The following DNAH6 variants were observed in gnomAD, a reference collection of about 807,000 sequenced individuals.
DNAH6 encodes the protein axonemal beta dynein heavy chain 6.
In DNAH6, 340 loss-of-function variants were observed where a neutral mutation model predicts 491.4. The ratio of observed to expected loss-of-function variants is 0.69; its 90% CI spans 0.63 to 0.76. The LOEUF is 0.76. Ranked by LOEUF, DNAH6 falls within the 30% of genes least tolerant of loss-of-function variation. The probability of loss-of-function intolerance (pLI) is 0.00; values close to 1 mark genes in which losing one functional copy is unlikely to be tolerated. For synonymous variants in DNAH6, 1,603 were observed against 1,686.1 expected (o/e 0.95, Z 1.21); for missense variants, 4,443 against 4,972.2 (o/e 0.89, Z 3.20).
At chr2:84,719,685 CT>C (rs967903424) in intron 59 of DNAH6, among the ~76,000 whole-genome samples, 99 of 145,342 alleles carry the variant, frequency 6.8e-4, no homozygotes, top group South Asian at 6.5e-4. Flanking sequence ...TAATTTTTCA[CT>C]TTTTTTTTTT....
At chr2:84,665,498 A>G (rs1391136412) in intron 37 of DNAH6, among the ~76,000 whole-genome samples, 2 of 152,248 alleles carry the variant, frequency 1.3e-5, no homozygotes, top group Non-Finnish European at 2.9e-5. Context: ...TAGAAGATCT[A>G]GAAGAAATGG....
chr2:84,567,424 C>T (rs1346616748), intron 11 of DNAH6, among the ~76,000 whole-genome samples: 2 of 152,148 alleles, frequency 1.3e-5, no homozygotes, highest in African/African-American at 4.8e-5. Context: ...CTACCGTAAC[C>T]AAAACAGCAT....
chr2:84,729,601 A>G lies in DNAH6; in HGVS notation c.10206+1699A>G, dbSNP rs369361158. Among the ~76,000 whole-genome samples, 92 of 152,318 alleles carry G rather than the reference A, an allele frequency of 6.0e-4. 1 individual carries two copies. Among genetic ancestry groups the G allele is most frequent in the African/African-American group, 2.1e-3 (89 of 41,564 alleles). On this transcript the variant is annotated intron_variant, in intron 61 of 76. Coordinates refer to ENST00000389394, the MANE Select transcript of DNAH6 (RefSeq NM_001370.2). ...TCCCAAAGCCCATGTCCATTCCAGC[A>G]CCACCTACTTCTCATGAACAGCATA...
At chr2:84,593,823 C>A (rs1363265061) in intron 16 of DNAH6, 149 bp from the exon 17 acceptor site, 13 of 271,780 alleles carry the variant, frequency 4.8e-5, no homozygotes, top group Admixed American at 5.5e-5. Context: ...TTTTTTTCTT[C>A]ATCTGTTTCT....
chr2:84,535,633 A>G (rs1171957055), intron 4 of DNAH6, among the ~76,000 whole-genome samples: 3 of 151,192 alleles, frequency 2.0e-5, no homozygotes, highest in Non-Finnish European at 4.4e-5. Context: ...TAGAATTGTG[A>G]TTTTACCAGC....
the DNAH6 span, among the ~76,000 whole-genome samples, chr2:84,502,507 A>G: frequency 6.6e-6 from 1 of 152,166 alleles, no homozygotes; most frequent in Non-Finnish European, 1.5e-5. Flanking sequence ...ATTGGATGAA[A>G]TGTTCTGTAT....
At chr2:84,506,191 C>T in the DNAH6 span, among the ~76,000 whole-genome samples, 2 of 151,990 alleles carry the variant, frequency 1.3e-5, no homozygotes, top group Admixed American at 6.6e-5. Context: ...TAAAAGTGTT[C>T]AAGTGTTCCT....
At chr2:84,685,285 G>A (rs1357994331) in intron 42 of DNAH6, 41 bp from the exon 43 acceptor site, 37 of 1,359,756 alleles carry the variant, frequency 2.7e-5, no homozygotes, top group Non-Finnish European at 3.6e-5. Context: ...TTCTACAAAT[G>A]TAGAATTTTT....
chr2:84,711,895 C>T (rs1697079255), intron 56 of DNAH6, among the ~76,000 whole-genome samples: 1 of 152,236 alleles, frequency 6.6e-6, no homozygotes, highest in Non-Finnish European at 1.5e-5. Flanking sequence ...CTCAGGTTTA[C>T]TTTATGACAC....
Position 84,715,633 on chromosome 2 carries a change from A to G in DNAH6, c.9611+6A>G, listed in dbSNP as rs1697451376. The G allele has an allele frequency of 4.5e-6, 7 of 1,551,240 alleles. No individual in the cohort carries two copies. The highest frequency in any genetic ancestry group is 3.9e-5 in the Admixed American group (2 of 50,958). On this transcript the variant is annotated splice_donor_region_variant and intron_variant, in intron 58 of 76. Transcript: ENST00000389394. ...CTGGAGGATCAGTTGTTAAGGTAAA[A>G]AAACAGGGAGTTGAGGGGAGGGAAG...
intron 43 of DNAH6, among the ~76,000 whole-genome samples, chr2:84,686,086 G>T (rs529626577): frequency 4.6e-5 from 7 of 151,992 alleles, no homozygotes; most frequent in African/African-American, 1.7e-4. Context: ...TACTCAGGAG[G>T]CTGAGGCAAG....
At chr2:84,641,747 T>C (rs888618859) in intron 32 of DNAH6, among the ~76,000 whole-genome samples, 200 bp from the exon 33 acceptor site, 2 of 152,190 alleles carry the variant, frequency 1.3e-5, no homozygotes, top group East Asian at 3.9e-4. Context: ...GTCCTTGTCA[T>C]TCTCTCCAAG....
chr2:84,720,268 T>C (rs990128541), intron 59 of DNAH6, among the ~76,000 whole-genome samples: 2 of 7,754 alleles, frequency 2.6e-4, no homozygotes, highest in Non-Finnish European at 6.5e-4. Flanking sequence ...AGAGTGCTTC[T>C]TTTTTTTTTT....
chr2:84,767,515 G>T (rs1190239125), intron 64 of DNAH6, among the ~76,000 whole-genome samples: 1 of 151,570 alleles, frequency 6.6e-6, no homozygotes, highest in African/African-American at 2.4e-5. Context: ...AACAAAGTGA[G>T]ATCCTGTGTC....
chr2:84,649,190 A>G (rs761990389), intron 33 of DNAH6, among the ~76,000 whole-genome samples: 13 of 152,204 alleles, frequency 8.5e-5, no homozygotes, highest in Non-Finnish European at 1.8e-4. Flanking sequence ...TTAATTTTAT[A>G]TGCACTGAGA....
chr2:84,700,877 A>C (rs774293419), intron 48 of DNAH6, among the ~76,000 whole-genome samples: 1 of 152,194 alleles, frequency 6.6e-6, no homozygotes, highest in African/African-American at 2.4e-5. Flanking sequence ...CGTGTGCATG[A>C]TACTGTGGAG....
intron 63 of DNAH6, among the ~76,000 whole-genome samples, chr2:84,746,600 TC>T (rs1672998801): frequency 6.6e-6 from 1 of 152,182 alleles, no homozygotes; most frequent in Non-Finnish European, 1.5e-5. Context: ...TGGAGATTGT[TC>T]CTTTGGGAAA....
At chr2:84,536,390 G>C (rs944210849) in intron 4 of DNAH6, among the ~76,000 whole-genome samples, 1 of 152,008 alleles carries the variant, frequency 6.6e-6, no homozygotes, top group Non-Finnish European at 1.5e-5. Context: ...ATTAGGAATC[G>C]ACAGCAAAAA....
intron 37 of DNAH6, among the ~76,000 whole-genome samples, chr2:84,659,877 G>A (rs566134370): frequency 6.6e-6 from 1 of 152,272 alleles, no homozygotes; most frequent in East Asian, 1.9e-4. Flanking sequence ...AGCTACGTAG[G>A]AGGCTGAGGC....
Sources: gnomAD v4.1 joint callset for allele counts (sites outside exome capture counted in the v4.1 genomes callset) on GRCh38, gnomAD v4.1.1 for gene constraint, MANE v1.5 for transcripts, NCBI Gene and HGNC (gene_info 2026-07-23, HGNC 2026-07-21) for gene names.